The following GDPD4 variants were observed in gnomAD, a reference collection of about 807,000 sequenced individuals.
GDPD4 encodes the protein glycerophosphodiester phosphodiesterase 6.
Under a neutral mutation model 67.8 loss-of-function variants are expected in GDPD4, and 60 were observed. That is an observed-to-expected ratio of 0.88 (90% confidence interval 0.72 to 1.10). The LOEUF is 1.10. Among genes scored for constraint, GDPD4 ranks in the 50% least tolerant of loss-of-function variants. The pLI, the probability that GDPD4 is intolerant of heterozygous loss-of-function variation, is 0.00. For missense variants in GDPD4, 623 were observed against 613.9 expected, an observed-to-expected ratio of 1.01 and a Z score of -0.16; for synonymous variants, 212 against 210.9, an observed-to-expected ratio of 1.00 and a Z score of -0.04.
intron 16 of GDPD4, among the ~76,000 whole-genome samples, chr11:77,218,907 G>T (rs1218300746): frequency 6.6e-6 from 1 of 152,200 alleles, no homozygotes; most frequent in Non-Finnish European, 1.5e-5. Flanking sequence ...TATATACCCA[G>T]TAATGGGATC....
chr11:77,224,952 T>C (rs1958298851), intron 16 of GDPD4, among the ~76,000 whole-genome samples: 4 of 149,288 alleles, frequency 2.7e-5, no homozygotes, highest in Middle Eastern at 6.8e-3. Flanking sequence ...TTTTTTTTTT[T>C]AATTAGCCAG....
At chr11:77,218,860 T>C (rs1187710695) in intron 16 of GDPD4, among the ~76,000 whole-genome samples, 1 of 152,154 alleles carries the variant, frequency 6.6e-6, no homozygotes, top group Non-Finnish European at 1.5e-5. Flanking sequence ...TACGTGTGCA[T>C]GTGTCTTTAT....
At chr11:77,287,998 T>C (rs1173029902) in intron 1 of GDPD4, among the ~76,000 whole-genome samples, 4 of 152,182 alleles carry the variant, frequency 2.6e-5, no homozygotes, top group Non-Finnish European at 5.9e-5. Flanking sequence ...GAACAAAATA[T>C]GTAGCATGTG....
intron 3 of GDPD4, among the ~76,000 whole-genome samples, chr11:77,283,392 G>A (rs1288980468): frequency 6.6e-6 from 1 of 152,124 alleles, no homozygotes; most frequent in Non-Finnish European, 1.5e-5. Context: ...GCTGTCTTGT[G>A]GTAAGCCCCA....
intron 10 of GDPD4, among the ~76,000 whole-genome samples, chr11:77,262,842 C>A (rs1959144923): frequency 2.0e-5 from 2 of 97,716 alleles, no homozygotes; most frequent in Non-Finnish European, 1.8e-5. Flanking sequence ...ATCACTAAAT[C>A]TTTCTCTGCT....
intron 1 of GDPD4, among the ~76,000 whole-genome samples, chr11:77,298,503 A>T (rs901826934): frequency 1.5e-4 from 23 of 152,254 alleles, no homozygotes; most frequent in East Asian, 5.8e-4. Context: ...TCAAAAAAAA[A>T]TTTTTTTTAA....
intron 11 of GDPD4, among the ~76,000 whole-genome samples, chr11:77,247,104 G>A (rs778763824): frequency 1.9e-4 from 29 of 151,832 alleles, no homozygotes; most frequent in Non-Finnish European, 3.1e-4. Context: ...TTTTTCTCAG[G>A]AAAGAAACAA....
intron 16 of GDPD4, among the ~76,000 whole-genome samples, chr11:77,220,898 A>G (rs1024479111): frequency 1.3e-5 from 2 of 152,200 alleles, no homozygotes; most frequent in Non-Finnish European, 2.9e-5. Context: ...TTATTGGTCT[A>G]TTCAGGGATT....
intron 5 of GDPD4, 54 bp from the exon 6 acceptor site, chr11:77,271,447 A>G: frequency 9.4e-7 from 1 of 1,064,352 alleles, no homozygotes; most frequent in Non-Finnish European, 1.5e-6. Flanking sequence ...TTGGATCAGA[A>G]CTGTCCTCAG....
intron 11 of GDPD4, among the ~76,000 whole-genome samples, chr11:77,254,395 C>G (rs1469925727): frequency 2.6e-5 from 4 of 152,152 alleles, no homozygotes; most frequent in African/African-American, 4.8e-5. Flanking sequence ...TCTGTGCTCA[C>G]CAGGGTTTCT....
intron 1 of GDPD4, among the ~76,000 whole-genome samples, chr11:77,292,067 T>C (rs1419053323): frequency 1.3e-5 from 2 of 152,050 alleles, no homozygotes; most frequent in African/African-American, 4.8e-5. Context: ...CTTGATGTGT[T>C]TTTGGTATCT....
At chr11:77,265,217 T>C (rs1421025760) in intron 10 of GDPD4, among the ~76,000 whole-genome samples, 1 of 152,080 alleles carries the variant, frequency 6.6e-6, no homozygotes, top group Admixed American at 6.6e-5. Context: ...TGTTAATCTG[T>C]CTTATGTCAA....
At chr11:77,227,516 C>T (rs1228052268) in intron 16 of GDPD4, among the ~76,000 whole-genome samples, 1 of 152,240 alleles carries the variant, frequency 6.6e-6, no homozygotes, top group African/African-American at 2.4e-5. Flanking sequence ...TCAGGCCACC[C>T]TCCAGAGACA....
At chr11:77,270,512 T>C (rs950303043) in intron 7 of GDPD4, among the ~76,000 whole-genome samples, 4 of 152,164 alleles carry the variant, frequency 2.6e-5, no homozygotes, top group South Asian at 2.1e-4. Context: ...GGTTAAGAGA[T>C]TGAGACCATC....
At chr11:77,293,456 G>A (rs1937847036) in intron 1 of GDPD4, among the ~76,000 whole-genome samples, 1 of 151,806 alleles carries the variant, frequency 6.6e-6, no homozygotes, top group African/African-American at 2.4e-5. Context: ...TTAGCTGGGT[G>A]TGGTGGCACA....
chr11:77,224,435 A>G (rs1958288108), intron 16 of GDPD4: 2 of 152,306 alleles, frequency 1.3e-5, no homozygotes, highest in East Asian at 3.9e-4. Context: ...AGACTTCATC[A>G]TAGATTACAC....
chr11:77,284,475 A>T (rs1040490039), intron 3 of GDPD4, among the ~76,000 whole-genome samples: 2 of 152,338 alleles, frequency 1.3e-5, no homozygotes, highest in East Asian at 3.9e-4. Context: ...CAACAACTGT[A>T]TTCCATTTTT....
Position 77,254,687 on chromosome 11 carries a change from G to A in GDPD4, c.864+3699C>T, listed in dbSNP as rs370641461. On this transcript the variant is annotated intron_variant, in intron 11 of 16. Coordinates refer to ENST00000315938, the MANE Select transcript of GDPD4 (RefSeq NM_182833.3). The stretch of plus-strand genomic sequence containing the variant: ...ACAAAAGGATATAACAAAGTTCCAC[G>A]GAAGTGTTGGTTGGGCTAAAGAAAC... Among the ~76,000 whole-genome samples, 9 of 152,126 alleles carry A rather than the reference G, an allele frequency of 5.9e-5. No homozygotes were observed. In the South Asian group the frequency reaches 8.3e-4, roughly 14 times the overall value.
Position 77,217,081 on chromosome 11 carries a change from A to G in GDPD4, c.*196T>C, listed in dbSNP as rs1267979070. 5.7e-6 allele frequency: 4 copies of G among 706,232 alleles called. No individual in the cohort carries two copies. In the Admixed American group the frequency reaches 8.0e-5, roughly 14 times the overall value. 43.7% of individuals were successfully genotyped at this position (706,232 alleles called of 1,614,324 possible). A position where few individuals can be genotyped will look rare whatever the true frequency, so the allele number is the denominator to read the frequency against. On this transcript the variant is annotated 3_prime_UTR_variant, in exon 17 of 17. Transcript: ENST00000315938. ...AGACCACGGTGGGCATCGGTGGTTG[A>G]ATCTCATGCTTGCCAGGCTTCAAAG...
Sources: allele counts gnomAD v4.1 joint callset (sites outside exome capture counted in the v4.1 genomes callset), GRCh38; gene constraint gnomAD v4.1.1; transcripts MANE v1.5; gene names NCBI Gene and HGNC (gene_info 2026-07-23, HGNC 2026-07-21).